Variants in CFAP44 observed in about 807,000 individuals in gnomAD.
CFAP44 encodes the protein cilia- and flagella-associated protein 44.
In CFAP44, 134 loss-of-function variants were observed where a neutral mutation model predicts 216.2. The observed-to-expected ratio is 0.62, with a 90% CI of 0.54 to 0.72. CFAP44 has a LOEUF of 0.72. CFAP44 is among the 30% of genes least tolerant of loss of function. CFAP44 has a pLI of 0.00. For synonymous variants in CFAP44, 700 were observed against 727.6 expected (o/e 0.96, Z 0.61); for missense variants, 2,035 against 2,182.1 (o/e 0.93, Z 1.34).
In CFAP44 at chr3:113,379,542, C is replaced by A; in HGVS notation, c.2062G>T (p.Glu688Ter). 6.3e-7 allele frequency: 1 copy of A among 1,579,212 alleles called. No homozygotes were observed. The highest frequency in any genetic ancestry group is 8.7e-7 in the Non-Finnish European group (1 of 1,153,198). Residue 688 changes from glutamate to a stop codon, truncating the protein, a stop_gained, in exon 17 of 35, where the codon GAA (glutamate) becomes TAA (stop). Coordinates refer to ENST00000393845, the MANE Select transcript of CFAP44 (RefSeq NM_001164496.2). LOFTEE classifies it high-confidence loss of function. ...SVKSKILRLIEIEKRERQREL... is the reference protein window; with the variant it reads ...SVKSKILRLI Reference sequence around the variant, plus strand: ...CTTTGTCTCTCCCTCTTTTCAATTTCTATTAATCTCTTTTAAAATAAACAT... The same window carrying A: ...CTTTGTCTCTCCCTCTTTTCAATTTATATTAATCTCTTTTAAAATAAACAT...
intron 8 of CFAP44, 26 bp from the exon 9 acceptor site, chr3:113,404,042 T>C: frequency 6.2e-7 from 1 of 1,604,152 alleles, no homozygotes; most frequent in Non-Finnish European, 8.5e-7. Flanking sequence ...AAAAAAGAAA[T>C]GTGCATTAAA....
At chr3:113,406,548 C>T (rs958442899) in intron 8 of CFAP44, among the ~76,000 whole-genome samples, 1 of 151,406 alleles carries the variant, frequency 6.6e-6, no homozygotes, top group Admixed American at 6.6e-5. Flanking sequence ...GGCGTGAACC[C>T]GGGAGGCAGA....
intron 28 of CFAP44, among the ~76,000 whole-genome samples, chr3:113,322,262 C>T (rs74423749): frequency 6.6e-6 from 1 of 152,110 alleles, no homozygotes; most frequent in Non-Finnish European, 1.5e-5. Context: ...CAAAAACATG[C>T]AATGGAGAAA....
Position 113,420,097 on chromosome 3 carries a change from G to C in CFAP44, c.490C>G (p.Gln164Glu), listed in dbSNP as rs572475080. ...DSIAIYIAGN[Q>E]LIFLNLKTKE... ...GTTTTCAAATTCAGAAAGATCAGTT[G>C]GTTCCCAGCTATGTATATGGCGATA... The change falls in exon 5 of 35, where the codon CAA becomes GAA. Residue 164 changes from glutamine (Q) to glutamate (E), a missense_variant. Transcript: ENST00000393845. 6.2e-7 allele frequency: 1 copy of C among 1,613,956 alleles called. No individual in the cohort carries two copies. Among genetic ancestry groups the C allele is most frequent in the Admixed American group, 1.7e-5 (1 of 59,996 alleles).
intron 13 of CFAP44, among the ~76,000 whole-genome samples, chr3:113,399,245 A>G (rs1424672302): frequency 6.6e-6 from 1 of 152,152 alleles, no homozygotes; most frequent in African/African-American, 2.4e-5. Context: ...GAGTTCCCAG[A>G]CACTCTGAAG....
At chr3:113,431,872 C>CCTAA (rs1935114906) in intron 2 of CFAP44, among the ~76,000 whole-genome samples, 1 of 152,116 alleles carries the variant, frequency 6.6e-6, no homozygotes, top group Admixed American at 6.5e-5. Flanking sequence ...CACTAAGATA[C>CCTAA]CTAACATCGT....
At chr3:113,318,802 A>G (rs1344129342) in intron 28 of CFAP44, among the ~76,000 whole-genome samples, 2 of 152,138 alleles carry the variant, frequency 1.3e-5, no homozygotes, top group African/African-American at 2.4e-5. Context: ...ATAAATTCGA[A>G]CCAAGAATTT....
chr3:113,309,886 G>T (rs1410464671), intron 28 of CFAP44, among the ~76,000 whole-genome samples: 4 of 152,150 alleles, frequency 2.6e-5, no homozygotes, highest in Non-Finnish European at 5.9e-5. Flanking sequence ...GACACAGAAA[G>T]CCTCAACAAA....
intron 24 of CFAP44, among the ~76,000 whole-genome samples, chr3:113,339,147 C>T (rs1183314834): frequency 6.6e-6 from 1 of 152,140 alleles, no homozygotes; most frequent in East Asian, 1.9e-4. Flanking sequence ...TGAATGGTTC[C>T]TTCCTGAGGC....
At chr3:113,297,474 C>T (rs912810949) in intron 32 of CFAP44, among the ~76,000 whole-genome samples, 9 of 152,146 alleles carry the variant, frequency 5.9e-5, no homozygotes, top group South Asian at 2.1e-4. Context: ...GAGATCCACA[C>T]GGCTTGCTCC....
Position 113,384,894 on chromosome 3 carries a change from C to T in CFAP44, c.1891-3834G>A, listed in dbSNP as rs78947963. Among the ~76,000 whole-genome samples the T allele has an allele frequency of 1.9e-3, 294 of 152,224 alleles. 2 individuals carry two copies. The highest frequency in any genetic ancestry group is 5.7e-3 in the African/African-American group (238 of 41,532). Reference sequence around the variant, plus strand: ...AGTTCAGAGTCTGATGCTGTTTGATCGATTATCCACATGGTTAATATCTAA... The same window carrying T: ...AGTTCAGAGTCTGATGCTGTTTGATTGATTATCCACATGGTTAATATCTAA... On this transcript the variant is annotated intron_variant, in intron 15 of 34. Coordinates refer to ENST00000393845, the MANE Select transcript of CFAP44 (RefSeq NM_001164496.2).
chr3:113,427,205 C>A lies in CFAP44; in HGVS notation c.235G>T (p.Asp79Tyr). 2 of 1,613,000 alleles carry A rather than the reference C, an allele frequency of 1.2e-6. No individual in the cohort carries two copies. The highest frequency in any genetic ancestry group is 1.7e-6 in the Non-Finnish European group (2 of 1,179,710). Residue 79 changes from aspartate (D) to tyrosine (Y), a missense_variant, in exon 3 of 35, where the codon GAT (aspartate) becomes TAT (tyrosine). By Grantham distance (160) the Asp-to-Tyr change is radical (BLOSUM62 -3). Transcript: ENST00000393845. ...EGSLSSFQYG[D>Y]LQSTTVPQQT... ...TACCTACCTGTAGTGCTTTGCAAAT[C>A]ACCATACTGAAATGAACTCAAACTT...
At chr3:113,381,418 A>G (rs1252335313) in intron 15 of CFAP44, among the ~76,000 whole-genome samples, 2 of 152,244 alleles carry the variant, frequency 1.3e-5, no homozygotes, top group East Asian at 3.8e-4. Context: ...TATTAAAATT[A>G]GGACTGCCAA....
chr3:113,330,506 G>T lies in CFAP44; in HGVS notation c.3778C>A (p.His1260Asn). Residue 1260 changes from histidine to asparagine, a missense_variant, in exon 26 of 35, where the codon CAC (histidine) becomes AAC (asparagine). Transcript: ENST00000393845. ...HIPIPKIPQI[H>N]PEEVPEKRFQ... ...CTCTTTTCTGGAACTTCTTCTGGGT[G>T]TATCTGAGGAATTTTGGGAATGGGT... 1 of 1,537,198 alleles carries T rather than the reference G, an allele frequency of 6.5e-7. No homozygotes were observed. The highest frequency in any genetic ancestry group is 8.7e-7 in the Non-Finnish European group (1 of 1,146,884).
chr3:113,292,562 C>T (rs1369322899), intron 34 of CFAP44, among the ~76,000 whole-genome samples: 5 of 152,234 alleles, frequency 3.3e-5, no homozygotes, highest in Non-Finnish European at 5.9e-5. Context: ...TTTGCATATG[C>T]TCTCTCATCT....
At chr3:113,365,845 A>T (rs1034972363) in intron 19 of CFAP44, among the ~76,000 whole-genome samples, 194 bp downstream of exon 19, 7 of 152,190 alleles carry the variant, frequency 4.6e-5, no homozygotes, top group African/African-American at 1.7e-4. Context: ...AATCTTTAAT[A>T]ATAAGGGGAA....
intron 18 of CFAP44, among the ~76,000 whole-genome samples, chr3:113,370,868 C>G (rs1933130525): frequency 6.6e-6 from 1 of 150,432 alleles, no homozygotes; most frequent in South Asian, 2.1e-4. Flanking sequence ...AGCTGATAAA[C>G]AACTTCGGCA....
intron 29 of CFAP44, 85 bp downstream of exon 29, chr3:113,308,073 G>T: frequency 1.0e-6 from 1 of 980,334 alleles, no homozygotes; most frequent in Non-Finnish European, 1.5e-6. Flanking sequence ...AATTATCAGA[G>T]CACAGAGAAA....
intron 6 of CFAP44, among the ~76,000 whole-genome samples, chr3:113,413,284 G>A (rs1934543094): frequency 6.6e-6 from 1 of 151,890 alleles, no homozygotes. Context: ...TTGTCAGATG[G>A]GTAGATTGCA....
Sources: gnomAD v4.1 joint callset for allele counts (sites outside exome capture counted in the v4.1 genomes callset) on GRCh38, gnomAD v4.1.1 for gene constraint, MANE v1.5 for transcripts, NCBI Gene and HGNC (gene_info 2026-07-23, HGNC 2026-07-21) for gene names.